Variants in SMC6 observed in about 807,000 individuals in gnomAD.
SMC6 encodes structural maintenance of chromosomes 6.
In SMC6, 79 loss-of-function variants were observed where a neutral mutation model predicts 142.2. The observed-to-expected ratio is 0.56, with a 90% CI of 0.46 to 0.67. SMC6 has a LOEUF of 0.67. Ranked by LOEUF, SMC6 falls within the 30% of genes least tolerant of loss-of-function variation. The pLI is 0.00. For missense variants in SMC6, 1,072 were observed against 1,284.0 expected (o/e 0.83, Z 2.52); for synonymous variants, 411 against 412.4 (o/e 1.00, Z 0.04).
chr2:17,725,445 G>A, intron 8 of SMC6, 87 bp from the exon 9 acceptor site: 1 of 882,920 alleles, frequency 1.1e-6, no homozygotes, highest in Non-Finnish European at 1.7e-6. Context: ...TTTAGTTTCT[G>A]AAAACTTTTA....
intron 5 of SMC6, among the ~76,000 whole-genome samples, chr2:17,734,329 G>A (rs1325293725): frequency 6.6e-6 from 1 of 152,060 alleles, no homozygotes; most frequent in East Asian, 1.9e-4. Context: ...GAATAAATTG[G>A]TGTGGTTTTT....
rs948688250 is a variant in SMC6 at position 17,727,921 on chromosome 2, A to G, written c.544-1452T>C. Among the ~76,000 whole-genome samples, 84 of 152,218 alleles carry G rather than the reference A, an allele frequency of 5.5e-4. 1 individual carries two copies. The highest frequency in any genetic ancestry group is 1.9e-3 in the African/African-American group (80 of 41,466). ...TGACATGTTTCTTATTATATAGACCAGACTCCATCTGCCATATATTTTTTC... is the reference window on the plus strand; with the variant it reads ...TGACATGTTTCTTATTATATAGACCGGACTCCATCTGCCATATATTTTTTC... On this transcript the variant is annotated intron_variant, in intron 7 of 27. Coordinates refer to ENST00000448223, the MANE Select transcript of SMC6 (RefSeq NM_001142286.2).
At chr2:17,702,609 G>C (rs116581501) in intron 19 of SMC6, among the ~76,000 whole-genome samples, 1 of 152,116 alleles carries the variant, frequency 6.6e-6, no homozygotes, top group Non-Finnish European at 1.5e-5. Flanking sequence ...TCCCTACCCA[G>C]ATCTCACCTT....
chr2:17,753,084 A>T lies in SMC6; in HGVS notation c.-92-20T>A. 1.1e-6 allele frequency: 1 copy of T among 915,340 alleles called. No homozygotes were observed. The highest frequency in any genetic ancestry group is 1.3e-6 in the Non-Finnish European group (1 of 766,250). The allele number at this position is 915,340 out of a possible 1,614,324, so 56.7% of individuals were successfully genotyped here. On this transcript the variant is annotated intron_variant, in intron 1 of 27. Coordinates refer to ENST00000448223, the MANE Select transcript of SMC6 (RefSeq NM_001142286.2). Reference sequence around the variant, plus strand: ...TCATTTCTGTAAGAAATGAGGGCAGAGAAATGCCATCAGTAAACCTTTGAA... The same window carrying T: ...TCATTTCTGTAAGAAATGAGGGCAGTGAAATGCCATCAGTAAACCTTTGAA...
chr2:17,693,733 T>C (rs1268705358), intron 23 of SMC6, among the ~76,000 whole-genome samples: 1 of 151,816 alleles, frequency 6.6e-6, no homozygotes, highest in African/African-American at 2.4e-5. Flanking sequence ...TGGTGGCTCA[T>C]GCCTGTAATC....
At chr2:17,712,728 A>G (rs1201475105) in intron 16 of SMC6, among the ~76,000 whole-genome samples, 1 of 152,214 alleles carries the variant, frequency 6.6e-6, no homozygotes, top group Non-Finnish European at 1.5e-5. Context: ...CAGTTTTTAA[A>G]TTTAGCATTT....
At chr2:17,709,375 T>A (rs191592041) in intron 16 of SMC6, among the ~76,000 whole-genome samples, 12 of 152,298 alleles carry the variant, frequency 7.9e-5, no homozygotes, top group Admixed American at 6.5e-4. Context: ...TTATGAATTG[T>A]AATTTGGGCT....
At chr2:17,694,097 A>G (rs1667878680) in intron 23 of SMC6, among the ~76,000 whole-genome samples, 1 of 151,946 alleles carries the variant, frequency 6.6e-6, no homozygotes, top group Non-Finnish European at 1.5e-5. Context: ...TAAGCCAGGC[A>G]CAGAACAACA....
At chr2:17,740,797 C>A (rs1176782362) in intron 4 of SMC6, 1 of 408,360 alleles carries the variant, frequency 2.4e-6, no homozygotes, top group Non-Finnish European at 4.9e-6. Context: ...TTGCATTGAG[C>A]CGAGATCGCA....
intron 5 of SMC6, among the ~76,000 whole-genome samples, chr2:17,737,846 C>T (rs1433463687): frequency 6.6e-6 from 1 of 152,194 alleles, no homozygotes; most frequent in East Asian, 1.9e-4. Context: ...TGATTTTGCT[C>T]TCCCTACTAT....
At chr2:17,676,118 G>T (rs1160415722) in intron 25 of SMC6, among the ~76,000 whole-genome samples, 1 of 152,016 alleles carries the variant, frequency 6.6e-6, no homozygotes, top group Non-Finnish European at 1.5e-5. Context: ...GTGTCCAGTT[G>T]GCTGTTAAAT....
chr2:17,743,443 G>A (rs975968871), intron 3 of SMC6, among the ~76,000 whole-genome samples: 1 of 152,072 alleles, frequency 6.6e-6, no homozygotes, highest in Non-Finnish European at 1.5e-5. Flanking sequence ...TTTTTTAAGA[G>A]TAGTTTTAGG....
intron 16 of SMC6, among the ~76,000 whole-genome samples, chr2:17,710,962 G>A (rs1668797986): frequency 6.6e-6 from 1 of 152,060 alleles, no homozygotes; most frequent in Non-Finnish European, 1.5e-5. Context: ...GAAAGAATAG[G>A]GTATGGGTGC....
intron 20 of SMC6, among the ~76,000 whole-genome samples, chr2:17,701,033 AAATAATAATAATAATAAT>A (rs61348893): frequency 1.3e-4 from 19 of 144,324 alleles, no homozygotes; most frequent in South Asian, 4.5e-4. Flanking sequence ...CTCCGTCTCA[AAATAATAATAATAATAAT>A]AATAATAATA....
intron 14 of SMC6, 80 bp from the exon 15 acceptor site, chr2:17,716,344 A>G (rs1286682563): frequency 1.4e-5 from 19 of 1,357,258 alleles, no homozygotes; most frequent in African/African-American, 4.6e-5. Context: ...TAACACCTAC[A>G]TCCCAGTGAA....
intron 16 of SMC6, among the ~76,000 whole-genome samples, chr2:17,713,049 T>C (rs1232594783): frequency 6.6e-6 from 1 of 152,244 alleles, no homozygotes; most frequent in Non-Finnish European, 1.5e-5. Flanking sequence ...GCATATTCTC[T>C]AACTTCACTG....
chr2:17,732,005 ATC>A, intron 5 of SMC6, 128 bp from the exon 6 acceptor site: 1 of 805,964 alleles, frequency 1.2e-6, no homozygotes, highest in Non-Finnish European at 1.9e-6. Context: ...TTAGATTTAC[ATC>A]AACAGCTGAC....
At chr2:17,689,952 G>A (rs549406526) in intron 23 of SMC6, among the ~76,000 whole-genome samples, 1 of 152,184 alleles carries the variant, frequency 6.6e-6, no homozygotes, top group African/African-American at 2.4e-5. Context: ...GGAATCAGTG[G>A]ATACAGAGAG....
intron 2 of SMC6, among the ~76,000 whole-genome samples, chr2:17,748,202 T>C (rs1036751724): frequency 1.3e-5 from 2 of 152,206 alleles, no homozygotes; most frequent in Non-Finnish European, 2.9e-5. Context: ...CTACATCTCC[T>C]GGGAAGATAT....
Sources: allele counts gnomAD v4.1 joint callset (sites outside exome capture counted in the v4.1 genomes callset), GRCh38; gene constraint gnomAD v4.1.1; transcripts MANE v1.5; gene names NCBI Gene and HGNC (gene_info 2026-07-23, HGNC 2026-07-21).